The following KIFAP3 variants were observed in gnomAD, a reference collection of about 807,000 sequenced individuals.
The protein encoded by KIFAP3 is kinesin-associated protein 3.
In KIFAP3, 68 loss-of-function variants were observed where a neutral mutation model predicts 106.5. That is an observed-to-expected ratio of 0.64 (90% confidence interval 0.53 to 0.78). The LOEUF is 0.78. Among genes scored for constraint, KIFAP3 ranks in the 30% least tolerant of loss-of-function variants. The probability of loss-of-function intolerance (pLI) is 0.00; values close to 1 mark genes in which losing one functional copy is unlikely to be tolerated. For missense variants in KIFAP3, 780 were observed against 941.8 expected (o/e 0.83, Z 2.25); for synonymous variants, 320 against 311.5 (o/e 1.03, Z -0.29).
At chr1:170,010,592 TTGAG>T (rs1668194372) in intron 10 of KIFAP3, among the ~76,000 whole-genome samples, 1 of 151,982 alleles carries the variant, frequency 6.6e-6, no homozygotes, top group Admixed American at 6.6e-5. Context: ...CAAGTAAACT[TTGAG>T]TGAAGTTATT....
chr1:169,950,661 G>A (rs1664682330), intron 19 of KIFAP3, among the ~76,000 whole-genome samples: 1 of 152,002 alleles, frequency 6.6e-6, no homozygotes, highest in Non-Finnish European at 1.5e-5. Flanking sequence ...CATCTTTACA[G>A]TAGAGATGAA....
rs753569409 is a variant in KIFAP3 at position 169,921,635 on chromosome 1, T to G, written c.*41A>C. 1 of 1,507,442 alleles carries G rather than the reference T, an allele frequency of 6.6e-7. No homozygotes were observed. Among genetic ancestry groups the G allele is most frequent in the Non-Finnish European group, 9.2e-7 (1 of 1,085,200 alleles). 93.4% of individuals were successfully genotyped at this position (1,507,442 alleles called of 1,614,324 possible). A position where few individuals can be genotyped will look rare whatever the true frequency, so the allele number is the denominator to read the frequency against. Reference sequence around the variant, plus strand: ...CCAAAATTAACCCAACCCACACAGATTTCTTCTAAGCTGAGATTACACATG... The same window carrying G: ...CCAAAATTAACCCAACCCACACAGAGTTCTTCTAAGCTGAGATTACACATG... On this transcript the variant is annotated 3_prime_UTR_variant, in exon 20 of 20. Transcript: ENST00000361580.
chr1:170,003,362 A>G (rs1254444111), intron 10 of KIFAP3, among the ~76,000 whole-genome samples: 3 of 152,184 alleles, frequency 2.0e-5, no homozygotes, highest in Non-Finnish European at 4.4e-5. Flanking sequence ...ATATAAGTGA[A>G]ATTAAGGTGC....
chr1:169,985,739 G>A (rs938174453), intron 11 of KIFAP3, among the ~76,000 whole-genome samples: 4 of 151,762 alleles, frequency 2.6e-5, no homozygotes, highest in African/African-American at 7.3e-5. Flanking sequence ...AATCACTTGG[G>A]CATGGGTATA....
At chr1:170,070,282 A>G (rs571491648) in intron 1 of KIFAP3, among the ~76,000 whole-genome samples, 7 of 152,232 alleles carry the variant, frequency 4.6e-5, no homozygotes, top group African/African-American at 1.7e-4. Context: ...CTTTTTTTGC[A>G]GAAATGAAAA....
intron 10 of KIFAP3, among the ~76,000 whole-genome samples, chr1:169,999,290 A>G (rs1034329075): frequency 1.3e-5 from 2 of 152,218 alleles, no homozygotes; most frequent in African/African-American, 4.8e-5. Context: ...GTAAGAATTC[A>G]TGACTAGAAG....
At chr1:169,957,908 T>G (rs1434292349) in intron 18 of KIFAP3, 2 of 152,424 alleles carry the variant, frequency 1.3e-5, no homozygotes, top group African/African-American at 2.4e-5. Flanking sequence ...ATTACAAGCA[T>G]GAGCCACTGT....
At chr1:170,026,274 C>T (rs958915858) in intron 8 of KIFAP3, among the ~76,000 whole-genome samples, 1 of 152,066 alleles carries the variant, frequency 6.6e-6, no homozygotes, top group Non-Finnish European at 1.5e-5. Context: ...TTAAGCCACC[C>T]GGTTTACGGT....
chr1:169,985,335 G>C (rs984670689), intron 11 of KIFAP3, among the ~76,000 whole-genome samples: 1 of 151,932 alleles, frequency 6.6e-6, no homozygotes, highest in African/African-American at 2.4e-5. Flanking sequence ...CAAGTGAGAA[G>C]ATGGGTGTCT....
chr1:169,946,264 T>C (rs941234066), intron 19 of KIFAP3, among the ~76,000 whole-genome samples: 2 of 152,146 alleles, frequency 1.3e-5, no homozygotes, highest in African/African-American at 4.8e-5. Context: ...TAACTAAAGA[T>C]AATTTAAAGG....
chr1:170,014,631 C>T (rs571454298), intron 10 of KIFAP3, among the ~76,000 whole-genome samples: 10 of 152,180 alleles, frequency 6.6e-5, no homozygotes, highest in African/African-American at 2.4e-4. Flanking sequence ...CTGTGCTTTG[C>T]TATGGTAGAG....
At chr1:170,033,071 T>C (rs1415551) in intron 7 of KIFAP3, among the ~76,000 whole-genome samples, 5,442 of 151,864 alleles carry the variant, frequency 0.036, 123 homozygotes, top group Admixed American at 0.065. Flanking sequence ...AGGAGTCTTG[T>C]GACTCCAGAA....
chr1:169,990,945 C>A (rs1667065128), intron 11 of KIFAP3, among the ~76,000 whole-genome samples: 1 of 151,916 alleles, frequency 6.6e-6, no homozygotes, highest in Admixed American at 6.6e-5. Flanking sequence ...AATTAAAAGA[C>A]ATGTGACAAA....
At chr1:170,003,959 C>T (rs1465260165) in intron 10 of KIFAP3, among the ~76,000 whole-genome samples, 1,876 of 116,394 alleles carry the variant, frequency 0.016, no homozygotes, top group African/African-American at 0.02. Flanking sequence ...ATCTAGAAAA[C>T]CCCATTGTCT....
chr1:170,020,183 C>T (rs1365341318), intron 9 of KIFAP3, among the ~76,000 whole-genome samples: 1 of 152,160 alleles, frequency 6.6e-6, no homozygotes, highest in Non-Finnish European at 1.5e-5. Flanking sequence ...ATACTATATT[C>T]ATGGATTGGA....
intron 10 of KIFAP3, among the ~76,000 whole-genome samples, chr1:169,997,797 G>A (rs1431960599): frequency 1.3e-5 from 2 of 150,190 alleles, no homozygotes; most frequent in Non-Finnish European, 3.0e-5. Context: ...TTGAATCTGG[G>A]AGATGGTGGT....
intron 1 of KIFAP3, among the ~76,000 whole-genome samples, chr1:170,084,490 T>A (rs995444634): frequency 4.6e-5 from 7 of 152,226 alleles, no homozygotes; most frequent in African/African-American, 1.7e-4. Flanking sequence ...ATTGACTATA[T>A]TAATGCTTTC....
intron 11 of KIFAP3, among the ~76,000 whole-genome samples, chr1:169,987,988 C>T (rs142494889): frequency 6.6e-6 from 1 of 151,944 alleles, no homozygotes; most frequent in African/African-American, 2.4e-5. Flanking sequence ...CCACTGAGAC[C>T]ATTAAGATCA....
chr1:169,941,514 G>A (rs1229930180), intron 19 of KIFAP3, among the ~76,000 whole-genome samples: 3 of 130,960 alleles, frequency 2.3e-5, no homozygotes, highest in East Asian at 4.4e-4. Flanking sequence ...TTATGAGGAT[G>A]AGAATAATTT....
Sources: gnomAD v4.1 joint callset for allele counts (sites outside exome capture counted in the v4.1 genomes callset) on GRCh38, gnomAD v4.1.1 for gene constraint, MANE v1.5 for transcripts, NCBI Gene and HGNC (gene_info 2026-07-23, HGNC 2026-07-21) for gene names.